Variants in FREM1 observed in about 807,000 individuals in gnomAD.
FREM1 encodes FRAS1 related extracellular matrix 1, also known as FRAS1-related extracellular matrix protein 1.
FREM1 carries 220 observed loss-of-function variants against 210.1 expected under a neutral mutation model. The observed-to-expected ratio is 1.05, with a 90% CI of 0.94 to 1.17. The LOEUF is 1.17. Among genes scored for constraint, FREM1 ranks in the 50% most tolerant of loss-of-function variants. The pLI is 0.00. For synonymous variants in FREM1, 1,189 were observed against 980.2 expected (o/e 1.21, Z -3.98); for missense variants, 3,454 against 2,675.5 (o/e 1.29, Z -6.42).
chr9:14,768,227 C>G lies in FREM1; in HGVS notation c.5204+1497G>C, dbSNP rs574779042. ...GGTGAGCATTAGGTCAGTAGCAAGT[C>G]TGATCAACATTCCTATGTTTTCTTA... is the stretch of plus-strand genomic sequence containing the variant. On this transcript the variant is annotated intron_variant, in intron 27 of 36. Coordinates refer to ENST00000380880, the MANE Select transcript of FREM1 (RefSeq NM_001379081.2). 3.3e-5 allele frequency among the ~76,000 whole-genome samples: 5 copies of G among 150,386 alleles called. No individual in the cohort carries two copies. In the East Asian group the frequency reaches 9.8e-4, roughly 29 times the overall value.
chr9:14,806,253 C>CCT (rs763690646), intron 18 of FREM1, among the ~76,000 whole-genome samples: 71 of 129,756 alleles, frequency 5.5e-4, no homozygotes, highest in African/African-American at 2.1e-3. Context: ...GTGCTTTAAA[C>CCT]TTTTTTTTTT....
Position 14,869,052 on chromosome 9 carries a change from G to C in FREM1, c.-75C>G. On this transcript the variant is annotated 5_prime_UTR_variant, in exon 2 of 37. Coordinates refer to ENST00000380880, the MANE Select transcript of FREM1 (RefSeq NM_001379081.2). The stretch of plus-strand genomic sequence containing the variant: ...AAGGAGGGCTTCTGTGCTTCCTCCT[G>C]GAGGGTCAGCTCATAGTCCAAGGGG... 4 of 1,043,714 alleles carry C rather than the reference G, an allele frequency of 3.8e-6. No individual in the cohort carries two copies. The South Asian group carries it at 4.9e-5, about 13-fold the overall frequency. 64.7% of individuals were successfully genotyped at this position (1,043,714 alleles called of 1,614,324 possible).
At position 14,748,621 on chromosome 9, in the gene FREM1, T is replaced by A. The variant is rs1430404917; in HGVS notation, c.5576A>T (p.Tyr1859Phe). The stretch of plus-strand genomic sequence containing the variant: ...GCTGTGCTTGCTTTGGTTGGAGGAA[T>A]ATGAAGGATGGCATTGTCCTGGAGG... ...DSKGGQCHPS[Y>F]SSNQSKHSTW... Residue 1859 changes from tyrosine to phenylalanine, a missense_variant, in exon 31 of 37, where the codon TAT becomes TTT. Transcript: ENST00000380880. 1 of 1,612,984 alleles carries A rather than the reference T, an allele frequency of 6.2e-7. No individual in the cohort carries two copies. Among genetic ancestry groups the A allele is most frequent in the Non-Finnish European group, 8.5e-7 (1 of 1,179,252 alleles).
intron 10 of FREM1, among the ~76,000 whole-genome samples, chr9:14,825,555 A>G (rs1204030834): frequency 0.011 from 1,331 of 120,902 alleles, 50 homozygotes; most frequent in African/African-American, 0.032. Flanking sequence ...GTGTATATAT[A>G]TATATATATA....
intron 27 of FREM1, among the ~76,000 whole-genome samples, chr9:14,768,164 T>C (rs1354339638): frequency 1.3e-5 from 2 of 152,056 alleles, no homozygotes; most frequent in African/African-American, 2.4e-5. Context: ...AAGAAAATCC[T>C]CTGTCAGCTA....
At position 14,841,475 on chromosome 9, in the gene FREM1, T is replaced by C. The variant is rs200445890; in HGVS notation, c.1853A>G (p.His618Arg). Reference sequence around the variant, plus strand: ...TGGCACTGAAAGATTTGGAGGTTCATGGCTGTCCCACAGGACAAATTGAAA... The same window carrying C: ...TGGCACTGAAAGATTTGGAGGTTCACGGCTGTCCCACAGGACAAATTGAAA... ...DSFQFVLWDS[H>R]EPPNLSVPQV... The change falls in exon 10 of 37, where the codon CAT (histidine) becomes CGT (arginine). Residue 618 changes from histidine (H) to arginine (R), a missense_variant. By Grantham distance (29) the His-to-Arg change is conservative. Coordinates refer to ENST00000380880, the MANE Select transcript of FREM1 (RefSeq NM_001379081.2). The C allele has an allele frequency of 1.9e-5, 31 of 1,611,094 alleles. No homozygotes were observed. Among genetic ancestry groups the C allele is most frequent in the East Asian group, 6.7e-5 (3 of 44,824 alleles).
At chr9:14,821,828 C>T (rs1821378054) in intron 13 of FREM1, among the ~76,000 whole-genome samples, 1 of 152,170 alleles carries the variant, frequency 6.6e-6, no homozygotes, top group African/African-American at 2.4e-5. Context: ...GCCAGAGTTT[C>T]AAGGGAAGCT....
intron 1 of FREM1, among the ~76,000 whole-genome samples, chr9:14,874,711 T>C (rs143099853): frequency 0.032 from 4,930 of 152,234 alleles, 267 homozygotes; most frequent in African/African-American, 0.11. Flanking sequence ...CCTGTCATTA[T>C]GATTTTAGCT....
At position 14,780,433 on chromosome 9, in the gene FREM1, G is replaced by GAAAAAAAAAAAAAAAAAAAA. The variant is rs58017285; in HGVS notation, c.4442+3936_4442+3937insTTTTTTTTTTTTTTTTTTTT. ...AATCATAAATAGCGCCAGCTCCTCAGAAAAAAAAAAAAAAAAAGTCCAGCC... is the reference window on the plus strand; with the variant it reads ...AATCATAAATAGCGCCAGCTCCTCAGAAAAAAAAAAAAAAAAAAAAAAAAAAAAAAAAAAAAAGTCCAGCC... On this transcript the variant is annotated intron_variant, in intron 24 of 36. Transcript: ENST00000380880. 1.5e-3 allele frequency among the ~76,000 whole-genome samples: 121 copies of GAAAAAAAAAAAAAAAAAAAA among 81,502 alleles called. 10 individuals are homozygous for GAAAAAAAAAAAAAAAAAAAA. Among genetic ancestry groups the GAAAAAAAAAAAAAAAAAAAA allele is most frequent in the African/African-American group, 4.0e-3 (93 of 23,474 alleles). The allele number at this position is 81,502 out of a possible 152,430, so 53.5% of individuals were successfully genotyped here. A position where few individuals can be genotyped will look rare whatever the true frequency, so the allele number is the denominator to read the frequency against.
chr9:14,789,648 G>A (rs1389471140), intron 22 of FREM1, among the ~76,000 whole-genome samples: 2 of 151,950 alleles, frequency 1.3e-5, no homozygotes, highest in East Asian at 1.9e-4. Context: ...AAAATGATGG[G>A]GATCACTATC....
intron 10 of FREM1, among the ~76,000 whole-genome samples, chr9:14,831,191 C>G (rs1823493814): frequency 6.6e-6 from 1 of 152,218 alleles, no homozygotes; most frequent in Admixed American, 6.5e-5. Flanking sequence ...GGACCGGACA[C>G]AGCCTCCAAC....
intron 1 of FREM1, among the ~76,000 whole-genome samples, chr9:14,881,050 C>G (rs1039119884): frequency 2.0e-5 from 3 of 152,232 alleles, no homozygotes; most frequent in Admixed American, 6.5e-5. Context: ...CAACAGTTAT[C>G]TCCAAATGGT....
chr9:14,891,912 G>C (rs1038157762), intron 1 of FREM1, among the ~76,000 whole-genome samples: 10 of 152,174 alleles, frequency 6.6e-5, no homozygotes, highest in African/African-American at 2.2e-4. Flanking sequence ...TCTTGTGGGA[G>C]GGAGATTTAT....
chr9:14,750,219 T>A lies in FREM1; in HGVS notation c.5465A>T (p.Asp1822Val). The A allele has an allele frequency of 6.2e-7, 1 of 1,613,308 alleles. No homozygotes were observed. Among genetic ancestry groups the A allele is most frequent in the Non-Finnish European group, 8.5e-7 (1 of 1,179,274 alleles). Residue 1822 changes from aspartate (D) to valine (V), a missense_variant, in exon 30 of 37, where the codon GAT becomes GTT. Asp to Val is a radical substitution (Grantham distance 152). Transcript: ENST00000380880. ...GTTCAGAATTACTTCAAAGACCTCA[T>A]CATCTTCCTCTAATCCGTCATAGGT... ...AITYDGLEED[D>V]EVFEVILNSP... is the part of the protein sequence containing the mutation.
At chr9:14,873,962 A>G (rs1182539840) in intron 1 of FREM1, among the ~76,000 whole-genome samples, 5 of 152,078 alleles carry the variant, frequency 3.3e-5, no homozygotes, top group Admixed American at 2.6e-4. Flanking sequence ...TTCAGTTTCC[A>G]TGTAGTTGAG....
chr9:14,828,450 C>T (rs911247999), intron 10 of FREM1, among the ~76,000 whole-genome samples: 6 of 151,988 alleles, frequency 3.9e-5, no homozygotes, highest in South Asian at 2.1e-4. Flanking sequence ...GCTCACAGCT[C>T]GAGGGGAAAT....
intron 21 of FREM1, among the ~76,000 whole-genome samples, chr9:14,794,997 CAA>C (rs36009556): frequency 0.25 from 29,690 of 120,232 alleles, 3,096 homozygotes; most frequent in African/African-American, 0.31. Flanking sequence ...GACTTTCTCT[CAA>C]AAAAAAAAAA....
rs1167782111 is a variant in FREM1, at chr9:14,750,215, C to G, written c.5469G>C (p.Glu1823Asp). ...ITYDGLEEDD[E>D]VFEVILNSPV... ...GGGAGTTCAGAATTACTTCAAAGACCTCATCATCTTCCTCTAATCCGTCAT... is the reference window on the plus strand; with the variant it reads ...GGGAGTTCAGAATTACTTCAAAGACGTCATCATCTTCCTCTAATCCGTCAT... Residue 1823 changes from glutamate to aspartate, a missense_variant, in exon 30 of 37, where the codon GAG (glutamate) becomes GAC (aspartate). Physicochemically the swap from Glu to Asp is conservative, Grantham distance 45. Transcript: ENST00000380880. 1.2e-6 allele frequency: 2 copies of G among 1,613,128 alleles called. No homozygotes were observed. Among genetic ancestry groups the G allele is most frequent in the Non-Finnish European group, 1.7e-6 (2 of 1,179,304 alleles).
At chr9:14,756,115 G>C (rs1844296231) in intron 29 of FREM1, among the ~76,000 whole-genome samples, 1 of 151,964 alleles carries the variant, frequency 6.6e-6, no homozygotes. Context: ...GATTGTCTTG[G>C]ATGTTTGCTT....
Sources: gnomAD v4.1 joint callset for allele counts (sites outside exome capture counted in the v4.1 genomes callset) on GRCh38, gnomAD v4.1.1 for gene constraint, MANE v1.5 for transcripts, NCBI Gene and HGNC (gene_info 2026-07-23, HGNC 2026-07-21) for gene names.